CDIN1: variants seen among roughly 807,000 people sequenced by gnomAD.
CDIN1 encodes CDAN1 interacting nuclease 1, also known as CDAN1-interacting nuclease 1.
A neutral mutation model predicts 45.3 loss-of-function variants in CDIN1; 33 were observed. The observed-to-expected ratio is 0.73, with a 90% CI of 0.55 to 0.97. CDIN1 has a LOEUF of 0.97. CDIN1 is among the 50% of genes least tolerant of loss of function. The pLI is 0.00. For synonymous variants in CDIN1, 118 were observed against 124.4 expected (o/e 0.95, Z 0.34); for missense variants, 303 against 339.4 (o/e 0.89, Z 0.84).
chr15:36,714,807 T>A (rs2043167492), intron 10 of CDIN1, among the ~76,000 whole-genome samples: 1 of 152,188 alleles, frequency 6.6e-6, no homozygotes, highest in Non-Finnish European at 1.5e-5. Flanking sequence ...ATCAGGTGAA[T>A]GAACCTGAAA....
chr15:36,746,752 C>CTTTTTTT (rs760613983), intron 10 of CDIN1, among the ~76,000 whole-genome samples: 3 of 74,344 alleles, frequency 4.0e-5, no homozygotes, highest in Non-Finnish European at 4.9e-5. Context: ...GGAAACGTGT[C>CTTTTTTT]TTTTTTTTTT....
chr15:36,614,119 G>C, intron 1 of CDIN1: 1 of 769,868 alleles, frequency 1.3e-6, no homozygotes, highest in East Asian at 2.5e-5. Flanking sequence ...TGACTTGGAA[G>C]ATAAACTGAA....
intron 1 of CDIN1, among the ~76,000 whole-genome samples, chr15:36,586,082 A>G (rs1386288433): frequency 2.6e-5 from 4 of 152,108 alleles, no homozygotes; most frequent in Admixed American, 6.5e-5. Context: ...ACCAACATCT[A>G]GCAGGACCAC....
chr15:36,722,670 G>T (rs1482303121), intron 10 of CDIN1, among the ~76,000 whole-genome samples: 1 of 152,088 alleles, frequency 6.6e-6, no homozygotes, highest in Admixed American at 6.6e-5. Context: ...GTATCATTCA[G>T]GTATCTCCTG....
chr15:36,597,232 G>T (rs2037878483), intron 1 of CDIN1, among the ~76,000 whole-genome samples: 1 of 152,192 alleles, frequency 6.6e-6, no homozygotes, highest in Non-Finnish European at 1.5e-5. Flanking sequence ...AATAATCTCA[G>T]AAAGGTAAAA....
At chr15:36,745,829 G>T (rs916888759) in intron 10 of CDIN1, among the ~76,000 whole-genome samples, 5 of 152,066 alleles carry the variant, frequency 3.3e-5, no homozygotes, top group African/African-American at 4.8e-5. Flanking sequence ...AGCCAGGCGT[G>T]GGGGTGGATG....
At chr15:36,773,987 T>A (rs1207762797) in intron 10 of CDIN1, among the ~76,000 whole-genome samples, 1 of 152,218 alleles carries the variant, frequency 6.6e-6, no homozygotes, top group African/African-American at 2.4e-5. Context: ...AATGTCCTCC[T>A]GAAGTTGAAC....
chr15:36,594,295 T>G (rs890497184), intron 1 of CDIN1, among the ~76,000 whole-genome samples: 2 of 152,086 alleles, frequency 1.3e-5, no homozygotes, highest in Non-Finnish European at 2.9e-5. Context: ...AAAATTTGAG[T>G]GACACTTTGA....
chr15:36,599,134 A>G (rs2037981751), intron 1 of CDIN1, among the ~76,000 whole-genome samples: 1 of 149,988 alleles, frequency 6.7e-6, no homozygotes, highest in South Asian at 2.1e-4. Context: ...GGAGGGGAGC[A>G]GTACTGTTCT....
chr15:36,778,740 G>A (rs935930867), intron 10 of CDIN1, among the ~76,000 whole-genome samples: 10 of 152,128 alleles, frequency 6.6e-5, no homozygotes, highest in East Asian at 1.9e-4. Flanking sequence ...GTACACTGTC[G>A]TCTGTCCTCC....
chr15:36,736,109 T>C (rs905701236), intron 10 of CDIN1, among the ~76,000 whole-genome samples: 11 of 152,226 alleles, frequency 7.2e-5, no homozygotes, highest in African/African-American at 2.4e-4. Flanking sequence ...CCCCATTATC[T>C]ACCTTCTTAG....
At chr15:36,680,651 A>G (rs2041819244) in intron 5 of CDIN1, among the ~76,000 whole-genome samples, 1 of 152,178 alleles carries the variant, frequency 6.6e-6, no homozygotes, top group South Asian at 2.1e-4. Context: ...GGGGACAGAT[A>G]TGCAACTAAG....
chr15:36,643,282 T>C (rs1000248261), intron 1 of CDIN1, among the ~76,000 whole-genome samples: 1 of 152,202 alleles, frequency 6.6e-6, no homozygotes, highest in Non-Finnish European at 1.5e-5. Context: ...TGACGACACC[T>C]AGACAATGAG....
rs142754999 is a variant in CDIN1 at position 36,729,434 on chromosome 15, G to C, written c.716+19473G>C. Reference sequence around the variant, plus strand: ...AGGGAATAGTCTTTTCTTAATCAAAGTAGCAAACATCTGTGTTCTTTCTAG... The same window carrying C: ...AGGGAATAGTCTTTTCTTAATCAAACTAGCAAACATCTGTGTTCTTTCTAG... On this transcript the variant is annotated intron_variant, in intron 10 of 10. Transcript: ENST00000566621. Among the ~76,000 whole-genome samples, 881 of 152,258 alleles carry C rather than the reference G, an allele frequency of 5.8e-3. 5 individuals are homozygous for C. The highest frequency in any genetic ancestry group is 0.019 in the African/African-American group (799 of 41,550).
chr15:36,707,704 A>G (rs536480540), intron 8 of CDIN1: 21 of 152,136 alleles, frequency 1.4e-4, no homozygotes, highest in African/African-American at 4.8e-4. Flanking sequence ...ATCTTTTTCA[A>G]TGTCACCATT....
At chr15:36,697,479 G>A (rs2042476161) in intron 8 of CDIN1, 89 bp downstream of exon 8, 1 of 1,038,726 alleles carries the variant, frequency 9.6e-7, no homozygotes, top group Admixed American at 2.4e-5. Context: ...AAGGAAGAGT[G>A]AATGATGATT....
At chr15:36,762,924 G>C (rs1360263853) in intron 10 of CDIN1, among the ~76,000 whole-genome samples, 1 of 152,006 alleles carries the variant, frequency 6.6e-6, no homozygotes, top group Non-Finnish European at 1.5e-5. Flanking sequence ...CCAAGTCTTT[G>C]CTATTGTGAA....
chr15:36,703,122 A>T (rs1228263123), intron 8 of CDIN1, among the ~76,000 whole-genome samples: 1 of 148,266 alleles, frequency 6.7e-6, no homozygotes, highest in Non-Finnish European at 1.5e-5. Context: ...GGAGGCTGAG[A>T]TGGGAGAATT....
intron 10 of CDIN1, among the ~76,000 whole-genome samples, chr15:36,714,191 C>T (rs560225231): frequency 6.6e-5 from 10 of 152,222 alleles, no homozygotes; most frequent in East Asian, 1.9e-4. Flanking sequence ...AATGTGTAGA[C>T]TTTTGCAGTC....
Sources: allele counts gnomAD v4.1 joint callset (sites outside exome capture counted in the v4.1 genomes callset), GRCh38; gene constraint gnomAD v4.1.1; transcripts MANE v1.5; gene names NCBI Gene and HGNC (gene_info 2026-07-23, HGNC 2026-07-21).